FMN1: variants seen among roughly 807,000 people sequenced by gnomAD.
FMN1 encodes formin 1.
In FMN1, 110 loss-of-function variants were observed where a neutral mutation model predicts 132.4. The ratio of observed to expected loss-of-function variants is 0.83; its 90% CI spans 0.71 to 0.97. The LOEUF (loss-of-function observed/expected upper bound fraction) is 0.97. FMN1 is among the 50% of genes least tolerant of loss of function. FMN1 has a pLI of 0.00. For synonymous variants in FMN1, 722 were observed against 651.7 expected, an observed-to-expected ratio of 1.11 and a Z score of -1.64; for missense variants, 1,792 against 1,705.3, an observed-to-expected ratio of 1.05 and a Z score of -0.90.
intron 12 of FMN1, among the ~76,000 whole-genome samples, chr15:32,905,353 G>C (rs961509619): frequency 6.6e-6 from 1 of 152,200 alleles, no homozygotes; most frequent in Non-Finnish European, 1.5e-5. Flanking sequence ...TGCATTCTTC[G>C]ATGGAGGATT....
intron 12 of FMN1, among the ~76,000 whole-genome samples, chr15:32,905,818 G>A (rs536659899): frequency 6.6e-6 from 1 of 152,290 alleles, no homozygotes; most frequent in South Asian, 2.1e-4. Flanking sequence ...GAGAATCAGA[G>A]TGGCATAAAT....
At chr15:33,120,321 T>C (rs956642791) in intron 4 of FMN1, among the ~76,000 whole-genome samples, 1 of 152,148 alleles carries the variant, frequency 6.6e-6, no homozygotes. Flanking sequence ...AGTCACTTTA[T>C]TCTCCTTGCT....
chr15:32,804,145 G>T, intron 18 of FMN1, 136 bp downstream of exon 18: 1 of 649,866 alleles, frequency 1.5e-6, no homozygotes, highest in South Asian at 2.0e-5. Flanking sequence ...TGTGTTTAAA[G>T]GGTATAAAGT....
rs535527725 is a variant in FMN1, at chr15:32,999,375, T to C, written c.2223+8639A>G. 2.6e-5 allele frequency among the ~76,000 whole-genome samples: 4 copies of C among 152,356 alleles called. No homozygotes were observed. In the South Asian group the frequency reaches 6.2e-4, roughly 24 times the overall value. ...GCACTCAATTCTGTTTCAACAGCAA[T>C]GTGTAAACTATTAGAAATGGATGAG... is the stretch of plus-strand genomic sequence containing the variant. On this transcript the variant is annotated intron_variant, in intron 7 of 20. Transcript: ENST00000616417.
intron 9 of FMN1, among the ~76,000 whole-genome samples, chr15:32,930,920 T>A (rs1055656580): frequency 1.9e-4 from 29 of 152,226 alleles, no homozygotes; most frequent in African/African-American, 6.8e-4. Context: ...GGATAGCCAG[T>A]TCTCCTAGCA....
At chr15:33,011,310 A>G (rs547223824) in intron 6 of FMN1, among the ~76,000 whole-genome samples, 5 of 152,274 alleles carry the variant, frequency 3.3e-5, no homozygotes, top group African/African-American at 1.2e-4. Context: ...TAGTTACACA[A>G]AGAATGATCT....
intron 6 of FMN1, among the ~76,000 whole-genome samples, chr15:33,029,139 C>A (rs1401503596): frequency 1.3e-5 from 2 of 152,074 alleles, no homozygotes; most frequent in Non-Finnish European, 2.9e-5. Context: ...TAGACTAACC[C>A]CCTTCCTCAA....
chr15:32,912,773 G>C (rs1217281281), intron 10 of FMN1, among the ~76,000 whole-genome samples: 1 of 151,948 alleles, frequency 6.6e-6, no homozygotes, highest in Non-Finnish European at 1.5e-5. Flanking sequence ...ATCATGGACA[G>C]AGCAAAATTT....
At chr15:32,929,589 C>A (rs576445947) in intron 9 of FMN1, among the ~76,000 whole-genome samples, 1 of 152,130 alleles carries the variant, frequency 6.6e-6, no homozygotes, top group Non-Finnish European at 1.5e-5. Context: ...ATTTCCAATT[C>A]GCCGTTGTTC....
At chr15:32,846,258 G>T (rs2058853476) in intron 17 of FMN1, among the ~76,000 whole-genome samples, 1 of 152,146 alleles carries the variant, frequency 6.6e-6, no homozygotes, top group African/African-American at 2.4e-5. Flanking sequence ...AACAGCTTCT[G>T]CACAACAAAA....
At chr15:32,964,745 T>C (rs1262827420) in intron 8 of FMN1, among the ~76,000 whole-genome samples, 1 of 152,206 alleles carries the variant, frequency 6.6e-6, no homozygotes, top group Non-Finnish European at 1.5e-5. Flanking sequence ...AAATACAGTT[T>C]TTAGGATTCA....
At chr15:33,103,102 G>C (rs1010567236) in intron 4 of FMN1, among the ~76,000 whole-genome samples, 7 of 152,088 alleles carry the variant, frequency 4.6e-5, no homozygotes, top group African/African-American at 1.7e-4. Context: ...AATAATATCT[G>C]TTGAATACAA....
At chr15:32,964,599 T>C (rs992833201) in intron 8 of FMN1, among the ~76,000 whole-genome samples, 4 of 152,248 alleles carry the variant, frequency 2.6e-5, no homozygotes, top group Admixed American at 2.0e-4. Flanking sequence ...ATTTCCATGA[T>C]GTGTAAAAAT....
At chr15:33,105,215 C>T (rs1309644376) in intron 4 of FMN1, among the ~76,000 whole-genome samples, 1 of 152,034 alleles carries the variant, frequency 6.6e-6, no homozygotes, top group Non-Finnish European at 1.5e-5. Flanking sequence ...GGAGCTATGT[C>T]CCCACTGGTC....
intron 12 of FMN1, chr15:32,908,033 C>G (rs1479985360): frequency 6.3e-6 from 1 of 159,596 alleles, no homozygotes; most frequent in African/African-American, 2.4e-5. Context: ...CACATTTGGG[C>G]AGAGCAGGTG....
intron 17 of FMN1, among the ~76,000 whole-genome samples, chr15:32,812,507 A>G (rs1046326837): frequency 6.6e-6 from 1 of 152,210 alleles, no homozygotes; most frequent in Non-Finnish European, 1.5e-5. Context: ...TTATACATAG[A>G]GCTTGAAGGT....
intron 17 of FMN1, among the ~76,000 whole-genome samples, chr15:32,821,645 T>A (rs1333949289): frequency 6.6e-6 from 1 of 151,550 alleles, no homozygotes; most frequent in African/African-American, 2.4e-5. Context: ...AGAGATGGGG[T>A]TTCACCATCT....
chr15:32,998,581 G>C (rs1172814556), intron 7 of FMN1, among the ~76,000 whole-genome samples: 1 of 152,160 alleles, frequency 6.6e-6, no homozygotes, highest in Non-Finnish European at 1.5e-5. Flanking sequence ...TGGAGAGAAG[G>C]AAACACTCCC....
chr15:33,024,093 G>C (rs1007871887), intron 6 of FMN1, among the ~76,000 whole-genome samples: 3 of 151,852 alleles, frequency 2.0e-5, no homozygotes, highest in African/African-American at 7.3e-5. Flanking sequence ...TGAACAAAAG[G>C]ACAGTAAATT....
Sources: allele counts gnomAD v4.1 joint callset (sites outside exome capture counted in the v4.1 genomes callset), GRCh38; gene constraint gnomAD v4.1.1; transcripts MANE v1.5; gene names NCBI Gene and HGNC (gene_info 2026-07-23, HGNC 2026-07-21).